ADARB1: variants seen among roughly 807,000 people sequenced by gnomAD.
The protein encoded by ADARB1 is adenosine deaminase RNA specific B1.
ADARB1 carries 10 observed loss-of-function variants against 52.4 expected under a neutral mutation model. The ratio of observed to expected loss-of-function variants is 0.19; its 90% CI spans 0.12 to 0.32. ADARB1 has a LOEUF of 0.32. Ranked by LOEUF, ADARB1 falls within the 10% of genes least tolerant of loss-of-function variation. The pLI is 1.00. For synonymous variants in ADARB1, 349 were observed against 371.1 expected, an observed-to-expected ratio of 0.94 and a Z score of 0.68; for missense variants, 643 against 922.3, an observed-to-expected ratio of 0.70 and a Z score of 3.92.
intron 1 of ADARB1, chr21:45,118,594 TC>T (rs370218532): frequency 2.0e-5 from 3 of 152,230 alleles, no homozygotes; most frequent in African/African-American, 7.2e-5. Flanking sequence ...AAGTTGGATA[TC>T]CGTTTGATCC....
intron 1 of ADARB1, among the ~76,000 whole-genome samples, chr21:45,092,160 G>A (rs414743): frequency 0.21 from 32,304 of 152,034 alleles, 3,908 homozygotes; most frequent in South Asian, 0.3. Flanking sequence ...GGAAGTATGG[G>A]TCACTTCGCT....
intron 6 of ADARB1, 104 bp downstream of exon 6, chr21:45,182,857 C>A: frequency 8.8e-7 from 1 of 1,136,250 alleles, no homozygotes; most frequent in Non-Finnish European, 1.2e-6. Context: ...CATGGAAAAT[C>A]TCTCAAAATC....
At chr21:45,166,020 G>C (rs767893824) in intron 2 of ADARB1, among the ~76,000 whole-genome samples, 4 of 151,970 alleles carry the variant, frequency 2.6e-5, no homozygotes, top group Non-Finnish European at 4.4e-5. Flanking sequence ...ACTTTTAGTG[G>C]ACTCCTAAAG....
intron 1 of ADARB1, among the ~76,000 whole-genome samples, chr21:45,095,213 C>T (rs1569001794): frequency 6.6e-6 from 1 of 152,240 alleles, no homozygotes; most frequent in Admixed American, 6.5e-5. Flanking sequence ...TGCAGGTCCC[C>T]CAGTCACCAG....
chr21:45,186,583 A>C (rs544362466), intron 8 of ADARB1, among the ~76,000 whole-genome samples: 4 of 152,314 alleles, frequency 2.6e-5, no homozygotes, highest in East Asian at 3.9e-4. Flanking sequence ...TCATAGTTTC[A>C]ATTTTTATTT....
At chr21:45,149,263 C>G (rs918713954) in intron 2 of ADARB1, among the ~76,000 whole-genome samples, 6 of 152,232 alleles carry the variant, frequency 3.9e-5, no homozygotes, top group Non-Finnish European at 8.8e-5. Context: ...GCTCTGTCCT[C>G]TGTACTGGGA....
chr21:45,186,454 T>C (rs763711019), intron 8 of ADARB1, among the ~76,000 whole-genome samples: 1 of 152,256 alleles, frequency 6.6e-6, no homozygotes, highest in Non-Finnish European at 1.5e-5. Flanking sequence ...TCAGGAGTTA[T>C]GCACATATAT....
intron 2 of ADARB1, among the ~76,000 whole-genome samples, chr21:45,167,083 C>T (rs1238836362): frequency 6.6e-6 from 1 of 152,180 alleles, no homozygotes; most frequent in Non-Finnish European, 1.5e-5. Flanking sequence ...TGGCATTCGT[C>T]AAAACTGAAA....
At chr21:45,209,607 C>G (rs1400642591) in intron 9 of ADARB1, among the ~76,000 whole-genome samples, 2 of 152,174 alleles carry the variant, frequency 1.3e-5, no homozygotes, top group African/African-American at 4.8e-5. Flanking sequence ...CATGGTCACC[C>G]TTTGTCACAG....
At position 45,175,643 on chromosome 21, in the gene ADARB1, C is replaced by G. The variant is rs2091661443; in HGVS notation, c.29-87C>G. ...TAAGCACACATCACTTAACCAGTTA[C>G]AAAGAGAGCTAAAGGAATCTATAAA... On this transcript the variant is annotated intron_variant, in intron 3 of 10. Transcript: ENST00000348831. The G allele has an allele frequency of 2.2e-6, 3 of 1,344,266 alleles. No individual in the cohort carries two copies. In the African/African-American group the frequency reaches 4.3e-5, roughly 19 times the overall value. 83.3% of individuals were successfully genotyped at this position (1,344,266 alleles called of 1,614,324 possible).
At chr21:45,190,720 G>C (rs1008347724) in intron 8 of ADARB1, among the ~76,000 whole-genome samples, 4 of 152,162 alleles carry the variant, frequency 2.6e-5, no homozygotes, top group African/African-American at 9.7e-5. Context: ...GCTTGCCTCT[G>C]TTTTTAGTGG....
At chr21:45,153,341 G>GTTTTTTTTTTT (rs34024154) in intron 2 of ADARB1, among the ~76,000 whole-genome samples, 1 of 150,298 alleles carries the variant, frequency 6.7e-6, no homozygotes. Flanking sequence ...AGCTGTTGAT[G>GTTTTTTTTTTT]TTTTTTTTTT....
intron 2 of ADARB1, among the ~76,000 whole-genome samples, chr21:45,135,206 G>A (rs543624729): frequency 6.6e-6 from 1 of 152,326 alleles, no homozygotes; most frequent in East Asian, 1.9e-4. Flanking sequence ...TTCTCATGGA[G>A]GACTGTGTGC....
chr21:45,223,136 C>T lies in ADARB1; in HGVS notation c.*939C>T, dbSNP rs1181229636. On this transcript the variant is annotated 3_prime_UTR_variant, in exon 11 of 11. Coordinates refer to ENST00000348831, the MANE Select transcript of ADARB1 (RefSeq NM_001112.4). ...GTTCCCTCTGTTCCTTCCTCTGAAT[C>T]GAATGGATGTGGGTGACCGCCCGAA... is the stretch of plus-strand genomic sequence containing the variant. 7 of 985,328 alleles carry T rather than the reference C, an allele frequency of 7.1e-6. No homozygotes were observed. Among genetic ancestry groups the T allele is most frequent in the Admixed American group, 6.1e-5 (1 of 16,262 alleles). The allele number at this position is 985,328 out of a possible 1,614,324, so 61.0% of individuals were successfully genotyped here. A position where few individuals can be genotyped will look rare whatever the true frequency, so the allele number is the denominator to read the frequency against.
At chr21:45,213,704 CTA>C (rs1204480003) in intron 9 of ADARB1, among the ~76,000 whole-genome samples, 1 of 152,228 alleles carries the variant, frequency 6.6e-6, no homozygotes, top group African/African-American at 2.4e-5. Context: ...GGAGATTGAT[CTA>C]TGTTGTTGGG....
intron 5 of ADARB1, among the ~76,000 whole-genome samples, chr21:45,181,024 G>A (rs1401632536): frequency 1.3e-5 from 2 of 152,222 alleles, no homozygotes; most frequent in Non-Finnish European, 2.9e-5. Context: ...GGGAAGGGAA[G>A]CCACATCCTT....
At chr21:45,137,667 A>G (rs144611584) in intron 2 of ADARB1, among the ~76,000 whole-genome samples, 17 of 152,330 alleles carry the variant, frequency 1.1e-4, no homozygotes, top group African/African-American at 3.6e-4. Context: ...GTTCAGATAC[A>G]GTCTCTGCCC....
chr21:45,151,035 G>C (rs925416287), intron 2 of ADARB1, among the ~76,000 whole-genome samples: 1 of 152,212 alleles, frequency 6.6e-6, no homozygotes, highest in Non-Finnish European at 1.5e-5. Flanking sequence ...CAGAGAGAGA[G>C]AGCACTGCAG....
At chr21:45,139,701 C>G (rs1281542692) in intron 2 of ADARB1, among the ~76,000 whole-genome samples, 1 of 152,230 alleles carries the variant, frequency 6.6e-6, no homozygotes, top group Non-Finnish European at 1.5e-5. Flanking sequence ...TCTGCCTCTC[C>G]GTGTTCTCTT....
Sources: gnomAD v4.1 joint callset for allele counts (sites outside exome capture counted in the v4.1 genomes callset) on GRCh38, gnomAD v4.1.1 for gene constraint, MANE v1.5 for transcripts, NCBI Gene and HGNC (gene_info 2026-07-23, HGNC 2026-07-21) for gene names.